NSUN3: variants seen among roughly 807,000 people sequenced by gnomAD.
NSUN3 encodes the protein NOP2/Sun RNA methyltransferase 3.
NSUN3 carries 24 observed loss-of-function variants against 36.8 expected under a neutral mutation model. That is an observed-to-expected ratio of 0.65 (90% CI 0.47 to 0.92). The LOEUF (loss-of-function observed/expected upper bound fraction) is 0.92. NSUN3 is among the 40% of genes least tolerant of loss of function. The pLI, the probability that NSUN3 is intolerant of heterozygous loss-of-function variation, is 0.00. For missense variants in NSUN3, 381 were observed against 392.8 expected (o/e 0.97, Z 0.25); for synonymous variants, 146 against 145.2 (o/e 1.01, Z -0.04).
rs186381724 is a variant in NSUN3 at position 94,113,106 on chromosome 3, C to T, written c.744-13105C>T. Among the ~76,000 whole-genome samples, 613 of 152,172 alleles carry T rather than the reference C, an allele frequency of 4.0e-3. 3 individuals are homozygous for T. Among genetic ancestry groups the T allele is most frequent in the Non-Finnish European group, 6.6e-3 (452 of 68,002 alleles). ...GTCTCAATCTCCTGACCTCATGATC[C>T]GCCCACCTCAGCCTCCCAAAGTGCT... On this transcript the variant is annotated intron_variant, in intron 5 of 5. Transcript: ENST00000314622.
At chr3:94,079,612 G>C (rs986825371) in intron 2 of NSUN3, among the ~76,000 whole-genome samples, 26 of 151,988 alleles carry the variant, frequency 1.7e-4, no homozygotes, top group African/African-American at 6.3e-4. Flanking sequence ...TTTCTTGGAG[G>C]CTTCGTTCAT....
chr3:94,085,731 C>T (rs531816637), intron 3 of NSUN3, among the ~76,000 whole-genome samples: 1 of 152,222 alleles, frequency 6.6e-6, no homozygotes, highest in South Asian at 2.1e-4. Context: ...TCCACTTCAG[C>T]CTGGGAAACA....
intron 3 of NSUN3, among the ~76,000 whole-genome samples, chr3:94,092,958 G>T (rs1274008657): frequency 7.2e-6 from 1 of 139,790 alleles, no homozygotes; most frequent in East Asian, 2.1e-4. Flanking sequence ...AAAGAAATAT[G>T]GAGCCCTCGT....
At chr3:94,089,911 A>G (rs1464473106) in intron 3 of NSUN3, among the ~76,000 whole-genome samples, 1 of 152,112 alleles carries the variant, frequency 6.6e-6, no homozygotes, top group Non-Finnish European at 1.5e-5. Flanking sequence ...GTTGCTGCAG[A>G]CCCATATGGA....
rs980364656 is a variant in NSUN3 at position 94,113,540 on chromosome 3, C to T, written c.744-12671C>T. The stretch of plus-strand genomic sequence containing the variant: ...AAAAGAGGAAAGGCAGATGGGGAGG[C>T]GGAGGCTAAAGGGGGACTTCAGAGA... On this transcript the variant is annotated intron_variant, in intron 5 of 5. Transcript: ENST00000314622. Among the ~76,000 whole-genome samples, 5 of 151,858 alleles carry T rather than the reference C, an allele frequency of 3.3e-5. 1 individual carries two copies. The highest frequency in any genetic ancestry group is 4.2e-4 in the South Asian group (2 of 4,816).
chr3:94,116,386 C>A (rs2077440270), intron 5 of NSUN3, among the ~76,000 whole-genome samples: 1 of 152,046 alleles, frequency 6.6e-6, no homozygotes, highest in Non-Finnish European at 1.5e-5. Flanking sequence ...TACAGAATTT[C>A]TTTAAAATAC....
intron 5 of NSUN3, among the ~76,000 whole-genome samples, chr3:94,125,023 CCTTAA>C (rs1370469438): frequency 1.3e-5 from 2 of 152,154 alleles, no homozygotes; most frequent in Non-Finnish European, 2.9e-5. Flanking sequence ...ATTTCTTCAA[CCTTAA>C]CTTCCAAATA....
At chr3:94,092,631 C>T (rs1402721685) in intron 3 of NSUN3, among the ~76,000 whole-genome samples, 1 of 151,834 alleles carries the variant, frequency 6.6e-6, no homozygotes, top group Non-Finnish European at 1.5e-5. Context: ...GGGCCTGGCA[C>T]GGTGGCTCAT....
At chr3:94,068,969 A>G (rs1387295811) in intron 2 of NSUN3, among the ~76,000 whole-genome samples, 3 of 152,200 alleles carry the variant, frequency 2.0e-5, no homozygotes, top group Non-Finnish European at 4.4e-5. Flanking sequence ...TCTGTGAAGA[A>G]GTAACTTTTA....
chr3:94,105,637 C>T (rs946231972), intron 5 of NSUN3, among the ~76,000 whole-genome samples: 21 of 151,914 alleles, frequency 1.4e-4, no homozygotes, highest in African/African-American at 1.9e-4. Flanking sequence ...AGGGATGAAC[C>T]GGAGACCCCC....
chr3:94,116,987 T>G (rs1347623940), intron 5 of NSUN3, among the ~76,000 whole-genome samples: 13 of 36,984 alleles, frequency 3.5e-4, no homozygotes, highest in African/African-American at 1.6e-3. Flanking sequence ...TGCCACAACT[T>G]TTTTTTTTTT....
intron 2 of NSUN3, chr3:94,076,614 G>T: frequency 2.2e-6 from 2 of 922,834 alleles, no homozygotes; most frequent in South Asian, 1.3e-5. Context: ...TGCCCACTGA[G>T]ATTTGGCCAA....
At chr3:94,071,636 A>G (rs2077225088) in intron 2 of NSUN3, among the ~76,000 whole-genome samples, 1 of 152,118 alleles carries the variant, frequency 6.6e-6, no homozygotes, top group Admixed American at 6.5e-5. Flanking sequence ...TCAAAATGAT[A>G]TCAGTGGTGC....
chr3:94,112,769 A>G (rs1218180768), intron 5 of NSUN3, among the ~76,000 whole-genome samples: 2 of 152,264 alleles, frequency 1.3e-5, no homozygotes, highest in Non-Finnish European at 2.9e-5. Context: ...TTACTATGGA[A>G]GGAAATGAGA....
intron 5 of NSUN3, among the ~76,000 whole-genome samples, chr3:94,107,103 G>T (rs989426951): frequency 5.9e-5 from 9 of 151,968 alleles, no homozygotes; most frequent in Non-Finnish European, 1.2e-4. Context: ...CCAGCTAATT[G>T]TATTTTTTGT....
chr3:94,090,919 A>G (rs2077312290), intron 3 of NSUN3, among the ~76,000 whole-genome samples: 1 of 152,190 alleles, frequency 6.6e-6, no homozygotes, highest in Admixed American at 6.5e-5. Context: ...GCTGGGATTC[A>G]AAGTGCTATA....
chr3:94,119,549 C>T (rs2077453306), intron 5 of NSUN3, among the ~76,000 whole-genome samples: 1 of 152,140 alleles, frequency 6.6e-6, no homozygotes, highest in African/African-American at 2.4e-5. Flanking sequence ...CCACTCAACT[C>T]CTGCTGTGCA....
At chr3:94,100,437 A>G (rs2077360261) in intron 5 of NSUN3, among the ~76,000 whole-genome samples, 1 of 152,194 alleles carries the variant, frequency 6.6e-6, no homozygotes, top group Non-Finnish European at 1.5e-5. Context: ...GATCTCATAG[A>G]AATAGCATAT....
In NSUN3 at chr3:94,071,434, G is replaced by T. The variant is rs548088122; in HGVS notation, c.122+6888G>T. 3.9e-5 allele frequency among the ~76,000 whole-genome samples: 6 copies of T among 152,292 alleles called. No individual in the cohort carries two copies. The South Asian group carries it at 1.0e-3, about 26-fold the overall frequency. ...CAGCATAAAATTTCCACCTGTTAAA[G>T]ATGAGTCAGTCTATGAATTTTTAAA... On this transcript the variant is annotated intron_variant, in intron 2 of 5. Coordinates refer to ENST00000314622, the MANE Select transcript of NSUN3 (RefSeq NM_022072.5).
Sources: gnomAD v4.1 joint callset for allele counts (sites outside exome capture counted in the v4.1 genomes callset) on GRCh38, gnomAD v4.1.1 for gene constraint, MANE v1.5 for transcripts, NCBI Gene and HGNC (gene_info 2026-07-23, HGNC 2026-07-21) for gene names.